Variants in COPG2 observed in about 807,000 individuals in gnomAD.
COPG2 encodes the protein coat protein complex I subunit gamma 2, also known as coatomer subunit gamma-2.
COPG2 carries 37 observed loss-of-function variants against 46.3 expected under a neutral mutation model. That is an observed-to-expected ratio of 0.80 (90% confidence interval 0.61 to 1.05). COPG2 has a LOEUF of 1.05. Among genes scored for constraint, COPG2 ranks in the 50% least tolerant of loss-of-function variants. COPG2 has a pLI of 0.00. For missense variants in COPG2, 427 were observed against 387.8 expected, an observed-to-expected ratio of 1.10 and a Z score of -0.85; for synonymous variants, 159 against 129.7, an observed-to-expected ratio of 1.23 and a Z score of -1.53.
chr7:130,642,205 G>T (rs547957001), intron 5 of COPG2, among the ~76,000 whole-genome samples: 1 of 151,190 alleles, frequency 6.6e-6, no homozygotes, highest in South Asian at 2.1e-4. Flanking sequence ...AAATCAGGTT[G>T]TCAATATACA....
intron 9 of COPG2, among the ~76,000 whole-genome samples, chr7:130,598,338 G>A (rs548190805): frequency 9.8e-4 from 149 of 152,292 alleles, no homozygotes; most frequent in African/African-American, 3.2e-3. Flanking sequence ...AAGGGAAGCC[G>A]TACTCCAAGA....
chr7:130,521,676 G>A (rs1799725126), intron 20 of COPG2, among the ~76,000 whole-genome samples: 1 of 152,130 alleles, frequency 6.6e-6, no homozygotes, highest in Admixed American at 6.5e-5. Flanking sequence ...AACAAGTGAT[G>A]GACACTAAAT....
At chr7:130,629,038 T>C (rs895799323) in intron 5 of COPG2, among the ~76,000 whole-genome samples, 2 of 152,130 alleles carry the variant, frequency 1.3e-5, no homozygotes, top group Non-Finnish European at 2.9e-5. Context: ...AATTAGTAAG[T>C]CTTTACTTTT....
At chr7:130,583,419 T>C (rs1456524804) in intron 9 of COPG2, among the ~76,000 whole-genome samples, 2 of 142,044 alleles carry the variant, frequency 1.4e-5, no homozygotes, top group Non-Finnish European at 3.0e-5. Context: ...GTGGGTGCAG[T>C]GCACCAGCAT....
chr7:130,534,008 A>G (rs1799854680), intron 20 of COPG2, among the ~76,000 whole-genome samples: 1 of 150,904 alleles, frequency 6.6e-6, no homozygotes, highest in African/African-American at 2.4e-5. Flanking sequence ...AGCAGAGTTG[A>G]GCTTTGATAG....
intron 20 of COPG2, among the ~76,000 whole-genome samples, chr7:130,541,250 G>T (rs1799933864): frequency 6.6e-6 from 1 of 152,212 alleles, no homozygotes; most frequent in South Asian, 2.1e-4. Flanking sequence ...CAGACTCAAG[G>T]TGGAGGAGTG....
chr7:130,507,128 A>G, intron 23 of COPG2, 146 bp downstream of exon 23: 1 of 664,488 alleles, frequency 1.5e-6, no homozygotes, highest in East Asian at 2.5e-5. Context: ...ATAGCATGCA[A>G]AACAAATTAT....
intron 1 of COPG2, 104 bp downstream of exon 1, chr7:130,668,528 G>A: frequency 9.3e-7 from 1 of 1,070,044 alleles, no homozygotes; most frequent in Non-Finnish European, 1.3e-6. Context: ...CCCTGGCACG[G>A]CGGCGCCCAC....
chr7:130,662,845 T>C (rs1796004831), intron 4 of COPG2, 122 bp downstream of exon 4: 1 of 663,740 alleles, frequency 1.5e-6, no homozygotes, highest in Admixed American at 3.0e-5. Flanking sequence ...ATAAGTTTTA[T>C]AAGCAGTTAA....
intron 5 of COPG2, 32 bp from the exon 6 acceptor site, chr7:130,617,097 C>A (rs782304098): frequency 2.1e-6 from 3 of 1,420,080 alleles, no homozygotes; most frequent in East Asian, 2.3e-5. Context: ...AACATAAGAT[C>A]AATTAAAATC....
At chr7:130,509,425 T>C (rs1799560040) in intron 20 of COPG2, 1 of 404,312 alleles carries the variant, frequency 2.5e-6, no homozygotes, top group South Asian at 1.9e-5. Context: ...TAGGATCTTG[T>C]CTATGGTCTG....
chr7:130,663,739 T>G (rs942004073), intron 3 of COPG2, among the ~76,000 whole-genome samples: 1 of 134,548 alleles, frequency 7.4e-6, no homozygotes, highest in Non-Finnish European at 1.6e-5. Flanking sequence ...TCTTTTTTTT[T>G]TTTTTTTTTT....
Position 130,507,682 on chromosome 7 carries a change from C to T in COPG2, c.2386+3G>A, listed in dbSNP as rs1554440375. 1.3e-6 allele frequency: 1 copy of T among 779,838 alleles called. No homozygotes were observed. Among genetic ancestry groups the T allele is most frequent in the Admixed American group, 1.7e-5 (1 of 58,896 alleles). 48.3% of individuals were successfully genotyped at this position (779,838 alleles called of 1,614,324 possible). On this transcript the variant is annotated splice_donor_region_variant and intron_variant, in intron 22 of 23. Transcript: ENST00000425248. ...AATATACTGATAGCAAAATGGGTCT[C>T]ACCTTCAAGGGTTTTGGTAGAACTG...
intron 20 of COPG2, among the ~76,000 whole-genome samples, chr7:130,537,238 T>G: frequency 6.6e-6 from 1 of 150,650 alleles, no homozygotes; most frequent in African/African-American, 2.5e-5. Context: ...GAGAAAAGAA[T>G]CAGGAAGGTT....
intron 9 of COPG2, among the ~76,000 whole-genome samples, chr7:130,566,610 TAATG>T (rs1318802036): frequency 6.6e-5 from 10 of 152,202 alleles, no homozygotes; most frequent in Non-Finnish European, 1.2e-4. Flanking sequence ...GGCACCAGCT[TAATG>T]CCAGGGCCCA....
rs1401243019 is a variant in COPG2, at chr7:130,506,608, T to C, written c.*68A>G. 4 of 589,026 alleles carry C rather than the reference T, an allele frequency of 6.8e-6. No individual in the cohort carries two copies. Among genetic ancestry groups the C allele is most frequent in the Admixed American group, 5.5e-5 (2 of 36,214 alleles). 36.5% of individuals were successfully genotyped at this position (589,026 alleles called of 1,614,324 possible). A position where few individuals can be genotyped will look rare whatever the true frequency, so the allele number is the denominator to read the frequency against. ...CTTCAAAAGTCTGATTCTGGGAAAC[T>C]GATGCCACTAGCCTAAAAGCCCACT... is the stretch of plus-strand genomic sequence containing the variant. On this transcript the variant is annotated 3_prime_UTR_variant, in exon 24 of 24. Transcript: ENST00000425248.
At chr7:130,539,670 A>G (rs1266421945) in intron 20 of COPG2, among the ~76,000 whole-genome samples, 3 of 152,154 alleles carry the variant, frequency 2.0e-5, no homozygotes, top group African/African-American at 7.2e-5. Flanking sequence ...AGGCTTCAAG[A>G]AAGAATGTGG....
At chr7:130,509,731 G>A (rs782236416) in intron 20 of COPG2, 1 of 519,366 alleles carries the variant, frequency 1.9e-6, no homozygotes, top group Non-Finnish European at 3.8e-6. Context: ...CTGTCTAGGA[G>A]TTAAATAAGT....
chr7:130,602,081 C>T (rs1231715551), intron 9 of COPG2, among the ~76,000 whole-genome samples: 1 of 152,212 alleles, frequency 6.6e-6, no homozygotes, highest in Non-Finnish European at 1.5e-5. Flanking sequence ...TTGAATCAAA[C>T]TGGACAGATT....
Sources: gnomAD v4.1 joint callset for allele counts (sites outside exome capture counted in the v4.1 genomes callset) on GRCh38, gnomAD v4.1.1 for gene constraint, MANE v1.5 for transcripts, NCBI Gene and HGNC (gene_info 2026-07-23, HGNC 2026-07-21) for gene names.